The following GPC5 variants were observed in gnomAD, a reference collection of about 807,000 sequenced individuals.
GPC5 encodes glypican 5.
In GPC5, 47 loss-of-function variants were observed where a neutral mutation model predicts 53.9. The observed-to-expected ratio is 0.87, with a 90% CI of 0.69 to 1.11. The LOEUF is 1.11. GPC5 is among the 50% of genes most tolerant of loss of function. The pLI is 0.00. For synonymous variants in GPC5, 286 were observed against 263.3 expected (o/e 1.09, Z -0.84); for missense variants, 748 against 713.1 (o/e 1.05, Z -0.56).
At chr13:92,136,034 G>T (rs2138969138) in intron 6 of GPC5, among the ~76,000 whole-genome samples, 1 of 152,260 alleles carries the variant, frequency 6.6e-6, no homozygotes, top group Admixed American at 6.5e-5. Flanking sequence ...TCATGCTAAT[G>T]GAAGAGGTGA....
At chr13:92,739,755 G>A (rs1162228669) in intron 7 of GPC5, among the ~76,000 whole-genome samples, 2 of 150,172 alleles carry the variant, frequency 1.3e-5, no homozygotes, top group African/African-American at 4.9e-5. Flanking sequence ...CAATGAGAGA[G>A]AAAAACAACC....
intron 6 of GPC5, among the ~76,000 whole-genome samples, chr13:92,140,700 C>T (rs2041823987): frequency 6.6e-6 from 1 of 152,124 alleles, no homozygotes; most frequent in South Asian, 2.1e-4. Flanking sequence ...GGTGAAAGTA[C>T]TGATTTTAAG....
At position 92,349,564 on chromosome 13, in the gene GPC5, A is replaced by G. The variant is rs183849464; in HGVS notation, c.1561+204575A>G. 3.3e-3 allele frequency among the ~76,000 whole-genome samples: 499 copies of G among 152,116 alleles called. 2 individuals carry two copies. The highest frequency in any genetic ancestry group is 0.011 in the African/African-American group (477 of 41,524). ...TAAATAAAATCTGAGGTGAAATCAGAGACATTAGAACTGATACCACATAAT... is the reference window on the plus strand; with the variant it reads ...TAAATAAAATCTGAGGTGAAATCAGGGACATTAGAACTGATACCACATAAT... On this transcript the variant is annotated intron_variant, in intron 7 of 7. Coordinates refer to ENST00000377067, the MANE Select transcript of GPC5 (RefSeq NM_004466.6).
rs1204143270 is a variant in GPC5, at chr13:92,841,909, C to CCTTGA, written c.1562-24373_1562-24372insCTTGA. On this transcript the variant is annotated intron_variant, in intron 7 of 7. Transcript: ENST00000377067. ...GCTTGACATGTTCCTCTCTCTCTTC[C>CCTTGA]ATCTCCCTTGAATTGGTAGCATGAT... Among the ~76,000 whole-genome samples the CCTTGA allele has an allele frequency of 2.0e-5, 3 of 152,152 alleles. No homozygotes were observed. In the South Asian group the frequency reaches 6.2e-4, roughly 32 times the overall value.
chr13:92,112,588 G>A (rs1283107752), intron 6 of GPC5, among the ~76,000 whole-genome samples: 1 of 152,116 alleles, frequency 6.6e-6, no homozygotes, highest in African/African-American at 2.4e-5. Flanking sequence ...AGCTACAAGA[G>A]AAGGCAAATG....
chr13:92,495,964 T>A (rs993798635), intron 7 of GPC5, among the ~76,000 whole-genome samples: 2 of 152,054 alleles, frequency 1.3e-5, no homozygotes, highest in East Asian at 3.9e-4. Flanking sequence ...CAATTTTTTT[T>A]AAAGTTTTAC....
intron 5 of GPC5, among the ~76,000 whole-genome samples, chr13:91,842,121 C>A (rs560617709): frequency 3.8e-4 from 58 of 151,978 alleles, no homozygotes; most frequent in Non-Finnish European, 6.8e-4. Flanking sequence ...CCATGTTCTA[C>A]CATTCAAGAA....
chr13:91,562,426 T>C (rs72641430), intron 2 of GPC5, among the ~76,000 whole-genome samples: 9,178 of 152,062 alleles, frequency 0.06, 359 homozygotes, highest in Non-Finnish European at 0.086. Context: ...ATTGTCTAGC[T>C]AGCATATGTT....
At chr13:92,371,992 C>T (rs1044658399) in intron 7 of GPC5, among the ~76,000 whole-genome samples, 6 of 152,120 alleles carry the variant, frequency 3.9e-5, no homozygotes, top group African/African-American at 1.2e-4. Flanking sequence ...GAGAATGGCC[C>T]CCAGGTGACA....
chr13:92,286,719 A>G (rs184088930), intron 7 of GPC5, among the ~76,000 whole-genome samples: 3,944 of 123,368 alleles, frequency 0.032, 197 homozygotes, highest in African/African-American at 0.11. Flanking sequence ...GGAACATCAC[A>G]CACTGGGGCC....
At chr13:92,281,791 T>C (rs564600913) in intron 7 of GPC5, among the ~76,000 whole-genome samples, 4 of 152,138 alleles carry the variant, frequency 2.6e-5, no homozygotes, top group East Asian at 3.9e-4. Context: ...ACCGCAAAGA[T>C]GGGGAGAAAA....
At chr13:91,557,826 A>C (rs1304348597) in intron 2 of GPC5, among the ~76,000 whole-genome samples, 1 of 152,076 alleles carries the variant, frequency 6.6e-6, no homozygotes, top group Middle Eastern at 3.2e-3. Flanking sequence ...CCTTCAAATA[A>C]ATACCTTTTA....
At chr13:91,459,647 T>C (rs1159239058) in intron 2 of GPC5, among the ~76,000 whole-genome samples, 1 of 151,998 alleles carries the variant, frequency 6.6e-6, no homozygotes, top group Non-Finnish European at 1.5e-5. Context: ...GTGACCTGTT[T>C]CTCCAGAGTT....
In GPC5 at chr13:91,510,978, G is replaced by C. The variant is rs570067385; in HGVS notation, c.325+62056G>C. ...TATTTTCCTTTGATTTTTTTATACT[G>C]TACTGCTTTTACACATGGAAAGGTT... On this transcript the variant is annotated intron_variant, in intron 2 of 7. Transcript: ENST00000377067. Among the ~76,000 whole-genome samples, 17 of 151,172 alleles carry C rather than the reference G, an allele frequency of 1.1e-4. No homozygotes were observed. The East Asian group carries it at 2.9e-3, about 26-fold the overall frequency.
intron 6 of GPC5, among the ~76,000 whole-genome samples, chr13:92,017,790 G>T (rs374641151): frequency 6.7e-6 from 1 of 148,970 alleles, no homozygotes; most frequent in East Asian, 2.0e-4. Context: ...ACACACACAC[G>T]CATGAGTACA....
chr13:91,948,459 A>G (rs2039995960), intron 6 of GPC5, among the ~76,000 whole-genome samples: 1 of 152,056 alleles, frequency 6.6e-6, no homozygotes, highest in African/African-American at 2.4e-5. Flanking sequence ...CTGGGGATAC[A>G]TCAATGAATT....
At chr13:91,428,276 G>A (rs953858210) in intron 1 of GPC5, among the ~76,000 whole-genome samples, 1 of 152,172 alleles carries the variant, frequency 6.6e-6, no homozygotes, top group Non-Finnish European at 1.5e-5. Context: ...ATTTTTCTGA[G>A]TGACAGAAAG....
intron 7 of GPC5, among the ~76,000 whole-genome samples, chr13:92,691,773 T>TA (rs1887408745): frequency 6.8e-6 from 1 of 147,200 alleles, no homozygotes; most frequent in African/African-American, 2.5e-5. Flanking sequence ...GTTTTAGGGT[T>TA]TTTTTTTTTT....
chr13:92,814,901 C>T (rs1289885408), intron 7 of GPC5, among the ~76,000 whole-genome samples: 1 of 151,752 alleles, frequency 6.6e-6, no homozygotes, highest in African/African-American at 2.4e-5. Context: ...TTTAAATAGC[C>T]AATTATACAT....
Sources: gnomAD v4.1 joint callset for allele counts (sites outside exome capture counted in the v4.1 genomes callset) on GRCh38, gnomAD v4.1.1 for gene constraint, MANE v1.5 for transcripts, NCBI Gene and HGNC (gene_info 2026-07-23, HGNC 2026-07-21) for gene names.